Variants in KLF8 observed in about 807,000 individuals in gnomAD.
The protein encoded by KLF8 is Krueppel-like factor 8.
Under a neutral mutation model 18.2 loss-of-function variants are expected in KLF8, and 10 were observed. The observed-to-expected ratio is 0.55, with a 90% CI of 0.34 to 0.93. The LOEUF is 0.93. Ranked by LOEUF, KLF8 falls within the 40% of genes least tolerant of loss-of-function variation. The probability of loss-of-function intolerance (pLI) is 0.02; values close to 1 mark genes in which losing one functional copy is unlikely to be tolerated. For synonymous variants in KLF8, 109 were observed against 97.3 expected, an observed-to-expected ratio of 1.12 and a Z score of -0.71; for missense variants, 264 against 277.9, an observed-to-expected ratio of 0.95 and a Z score of 0.36.
At chrX:55,946,533 C>G in the KLF8 span, among the ~76,000 whole-genome samples, 3 of 111,700 alleles carry the variant, frequency 2.7e-5, no homozygotes, top group African/African-American at 6.5e-5. Flanking sequence ...CATAAAAACC[C>G]TAGAAGAAAA....
At chrX:55,973,686 A>C in the KLF8 span, among the ~76,000 whole-genome samples, 4 of 107,375 alleles carry the variant, frequency 3.7e-5, no homozygotes, top group Non-Finnish European at 7.5e-5. Flanking sequence ...AAAAGTCAGA[A>C]AATAACAAAA....
the KLF8 span, among the ~76,000 whole-genome samples, chrX:55,956,680 A>G: frequency 8.9e-6 from 1 of 111,953 alleles, no homozygotes; most frequent in Non-Finnish European, 1.9e-5. Flanking sequence ...ATCTTTCCAT[A>G]TGCTTATTAG....
the KLF8 span, among the ~76,000 whole-genome samples, chrX:56,101,195 T>A: frequency 3.6e-5 from 4 of 112,190 alleles, 1 homozygote; most frequent in Admixed American, 3.8e-4. Context: ...AAGTTTAGCT[T>A]CCACTTATAA....
chrX:56,046,576 G>C, the KLF8 span, among the ~76,000 whole-genome samples: 1 of 102,661 alleles, frequency 9.7e-6, no homozygotes, highest in Non-Finnish European at 2.0e-5. Context: ...TGAATTGGTA[G>C]TGTCGTATTC....
At chrX:56,059,319 GAT>G in the KLF8 span, among the ~76,000 whole-genome samples, 2 of 111,893 alleles carry the variant, frequency 1.8e-5, no homozygotes, top group Non-Finnish European at 3.8e-5. Context: ...TCACTCTGAT[GAT>G]AGTTTCCTTT....
chrX:56,204,626 T>C, the KLF8 span, among the ~76,000 whole-genome samples: 25 of 111,442 alleles, frequency 2.2e-4, no homozygotes, highest in Admixed American at 9.6e-4. Context: ...GGTTTTTTTT[T>C]ATCATAAAGG....
At chrX:55,946,100 A>T in the KLF8 span, among the ~76,000 whole-genome samples, 4 of 111,893 alleles carry the variant, frequency 3.6e-5, no homozygotes, top group Admixed American at 9.5e-5. Flanking sequence ...CCATCAAGCT[A>T]CCAATTACTT....
chrX:56,128,597 C>A, the KLF8 span, among the ~76,000 whole-genome samples: 101 of 111,462 alleles, frequency 9.1e-4, 1 homozygote, highest in African/African-American at 3.3e-3. Context: ...AGGAAGGTTT[C>A]TCTTTAAATA....
the KLF8 span, among the ~76,000 whole-genome samples, chrX:55,954,822 G>T: frequency 8.9e-6 from 1 of 111,803 alleles, no homozygotes; most frequent in Non-Finnish European, 1.9e-5. Flanking sequence ...ACAAAATATA[G>T]TATATCCGTA....
the KLF8 span, among the ~76,000 whole-genome samples, chrX:56,083,605 G>A: frequency 5.4e-5 from 6 of 111,623 alleles, no homozygotes; most frequent in African/African-American, 1.6e-4. Context: ...GTTTATCTGG[G>A]CTAGATGATC....
the KLF8 span, among the ~76,000 whole-genome samples, chrX:56,141,828 CA>C: frequency 9.0e-6 from 1 of 111,556 alleles, no homozygotes; most frequent in African/African-American, 3.3e-5. Context: ...TACAAATGAC[CA>C]AAGGTCTCAC....
At chrX:56,019,599 G>T in the KLF8 span, among the ~76,000 whole-genome samples, 1 of 112,227 alleles carries the variant, frequency 8.9e-6, no homozygotes, top group Non-Finnish European at 1.9e-5. Flanking sequence ...TTGGAATAAA[G>T]AGTCAAAAGC....
the KLF8 span, among the ~76,000 whole-genome samples, chrX:55,935,209 A>G: frequency 8.9e-6 from 1 of 112,373 alleles, no homozygotes; most frequent in Non-Finnish European, 1.9e-5. Context: ...AATTGTTACA[A>G]GTACTTTGAA....
the KLF8 span, among the ~76,000 whole-genome samples, chrX:56,085,756 A>G: frequency 8.9e-6 from 1 of 112,570 alleles, no homozygotes; most frequent in African/African-American, 3.2e-5. Flanking sequence ...CTAAAAATAT[A>G]TCTAGGGACT....
chrX:55,977,668 G>T, the KLF8 span, among the ~76,000 whole-genome samples: 2 of 111,700 alleles, frequency 1.8e-5, no homozygotes, highest in Non-Finnish European at 3.8e-5. Context: ...TTTATTATGT[G>T]TACTGGCTAA....
the KLF8 span, among the ~76,000 whole-genome samples, chrX:55,978,681 C>A: frequency 3.6e-5 from 4 of 111,285 alleles, no homozygotes; most frequent in African/African-American, 1.3e-4. Context: ...TAGATGCATA[C>A]CTAGAAACAA....
At chrX:56,280,286 T>G (rs978353553) in intron 5 of KLF8, among the ~76,000 whole-genome samples, 1 of 111,686 alleles carries the variant, frequency 9.0e-6, no homozygotes. Flanking sequence ...AATGCTGGAG[T>G]GCAGTAGCAC....
chrX:56,059,547 G>C, the KLF8 span, among the ~76,000 whole-genome samples: 2 of 111,722 alleles, frequency 1.8e-5, no homozygotes, highest in African/African-American at 6.5e-5. Context: ...GTAAGGAAGG[G>C]GTCCAGTTTC....
At chrX:56,179,701 G>A in the KLF8 span, among the ~76,000 whole-genome samples, 3 of 111,795 alleles carry the variant, frequency 2.7e-5, no homozygotes, top group Non-Finnish European at 1.9e-5. Context: ...TTAGCATGAA[G>A]GGTTGTTGAA....
Sources: allele counts gnomAD v4.1 joint callset (sites outside exome capture counted in the v4.1 genomes callset), GRCh38; gene constraint gnomAD v4.1.1; transcripts MANE v1.5; gene names NCBI Gene and HGNC (gene_info 2026-07-23, HGNC 2026-07-21).